Variants in GRID2IP observed in about 807,000 individuals in gnomAD.
The protein encoded by GRID2IP is Grid2 interacting protein.
In GRID2IP, 78 loss-of-function variants were observed where a neutral mutation model predicts 114.3. The observed-to-expected ratio is 0.68, with a 90% confidence interval of 0.57 to 0.82. The LOEUF (loss-of-function observed/expected upper bound fraction) is 0.82. Ranked by LOEUF, GRID2IP falls within the 40% of genes least tolerant of loss-of-function variation. GRID2IP has a pLI of 0.00. For missense variants in GRID2IP, 1,727 were observed against 1,678.5 expected, an observed-to-expected ratio of 1.03 and a Z score of -0.51; for synonymous variants, 809 against 724.0, an observed-to-expected ratio of 1.12 and a Z score of -1.89.
chr7:6,500,066 C>T (rs1403271355), intron 20 of GRID2IP, among the ~76,000 whole-genome samples: 1 of 151,990 alleles, frequency 6.6e-6, no homozygotes, highest in Non-Finnish European at 1.5e-5. Context: ...TCCATCTTCT[C>T]TCTGGGGACC....
intron 2 of GRID2IP, chr7:6,531,175 C>A: frequency 4.1e-6 from 2 of 481,930 alleles, no homozygotes; most frequent in Non-Finnish European, 7.3e-6. Flanking sequence ...GGAGCGAGCG[C>A]GCCGCGACTC....
chr7:6,551,045 C>CGGTGCACCGCGTCCG lies in GRID2IP; in HGVS notation c.377_391dup (p.Pro126_His130dup). 1.5e-6 allele frequency: 2 copies of CGGTGCACCGCGTCCG among 1,299,704 alleles called. No homozygotes were observed. Among genetic ancestry groups the CGGTGCACCGCGTCCG allele is most frequent in the Non-Finnish European group, 1.9e-6 (2 of 1,026,368 alleles). The allele number at this position is 1,299,704 out of a possible 1,614,324, so 80.5% of individuals were successfully genotyped here. On this transcript the variant is annotated inframe_insertion, in exon 1 of 22. Coordinates refer to ENST00000457091, the MANE Select transcript of GRID2IP (RefSeq NM_001145118.2). ...CTCTTGGGCCTTGCGCCTGCGCTCT[C>CGGTGCACCGCGTCCG]GGTGCACCGCGTCCGGGCGCTTGCG...
Position 6,501,859 on chromosome 7 carries a change from A to T in GRID2IP, c.3321T>A (p.His1107Gln), listed in dbSNP as rs1219417961. Residue 1107 changes from histidine to glutamine, a missense_variant, in exon 20 of 22, where the codon CAT becomes CAA. By Grantham distance (24) the His-to-Gln change is conservative. Transcript: ENST00000457091. Reference protein sequence around the residue: ...RALTSDLADLHGTISEIQDAC... With the variant: ...RALTSDLADLQGTISEIQDAC... ...CATCCTGTATCTCGCTGATAGTGCC[A>T]TGGAGGTCAGCCAGGTCACTGGTCA... The T allele has an allele frequency of 1.3e-6, 2 of 1,551,458 alleles. No individual in the cohort carries two copies.
In GRID2IP at chr7:6,510,721, T is replaced by C. The variant is rs1488778233; in HGVS notation, c.1556-15A>G. 34 of 1,545,412 alleles carry C rather than the reference T, an allele frequency of 2.2e-5. No individual in the cohort carries two copies. The highest frequency in any genetic ancestry group is 3.0e-5 in the Non-Finnish European group (34 of 1,142,892). ...CTCGCTGGGACCTACCGGGGAATAA[T>C]GTCATTACCGTATCTGAGCTCTACG... On this transcript the variant is annotated splice_polypyrimidine_tract_variant and intron_variant, in intron 9 of 21. Coordinates refer to ENST00000457091, the MANE Select transcript of GRID2IP (RefSeq NM_001145118.2).
chr7:6,509,714 G>A lies in GRID2IP; in HGVS notation c.1772-401C>T, dbSNP rs1786707155. Among the ~76,000 whole-genome samples, 1 of 152,222 alleles carries A rather than the reference G, an allele frequency of 6.6e-6. No homozygotes were observed. The highest frequency in any genetic ancestry group is 1.5e-5 in the Non-Finnish European group (1 of 68,026). On this transcript the variant is annotated intron_variant, in intron 11 of 21. Coordinates refer to ENST00000457091, the MANE Select transcript of GRID2IP (RefSeq NM_001145118.2). This position sits in a 1 kb window ranked among gnomAD's most constrained non-coding sequence, Gnocchi z 4.9. ...TCCCAGGGCTCCTGCCTTCTGAGCT[G>A]CAGAGCAACTGTCTTCCCAGCTGTG...
chr7:6,517,221 T>A (rs891065901), intron 7 of GRID2IP, among the ~76,000 whole-genome samples: 31 of 124,612 alleles, frequency 2.5e-4, no homozygotes, highest in African/African-American at 7.5e-4. Flanking sequence ...CGCCCGGCTA[T>A]TTTTTTTTTG....
chr7:6,514,689 C>T (rs570599466), intron 7 of GRID2IP, among the ~76,000 whole-genome samples, 160 bp from the exon 8 acceptor site: 47 of 152,236 alleles, frequency 3.1e-4, no homozygotes, highest in African/African-American at 1.1e-3. Context: ...CAGTGGCTCA[C>T]GCCTGTAATC....
In GRID2IP at chr7:6,539,883, G is replaced by T. The variant is rs1382441570; in HGVS notation, c.430-11C>A. The T allele has an allele frequency of 3.2e-6, 5 of 1,549,020 alleles. No homozygotes were observed. The highest frequency in any genetic ancestry group is 4.4e-6 in the Non-Finnish European group (5 of 1,145,498). On this transcript the variant is annotated splice_polypyrimidine_tract_variant and intron_variant, in intron 1 of 21. Transcript: ENST00000457091. ...CAAGATTTCATCCACCTGCAAGGAGGAGTCCTGTGAATGACCAAAAGGGAT... is the reference window on the plus strand; with the variant it reads ...CAAGATTTCATCCACCTGCAAGGAGTAGTCCTGTGAATGACCAAAAGGGAT...
At chr7:6,530,295 T>A (rs913986452) in intron 2 of GRID2IP, among the ~76,000 whole-genome samples, 23 of 139,896 alleles carry the variant, frequency 1.6e-4, no homozygotes, top group Non-Finnish European at 3.4e-4. Context: ...TGAGAGAGAC[T>A]CTCTGTCGCC....
rs1368186836 is a variant in GRID2IP at position 6,519,848 on chromosome 7, C to T, written c.1268+730G>A. ...TTTGCAGAGACCATAATAATGACCC[C>T]ATGGACCGAGGAGTGTGATAAATGC... On this transcript the variant is annotated intron_variant, in intron 7 of 21. Transcript: ENST00000457091. This position sits in a 1 kb window ranked among gnomAD's most constrained non-coding sequence, Gnocchi z 4.1. Among the ~76,000 whole-genome samples the T allele has an allele frequency of 6.6e-6, 1 of 152,206 alleles. No homozygotes were observed. Among genetic ancestry groups the T allele is most frequent in the Non-Finnish European group, 1.5e-5 (1 of 68,048 alleles).
At chr7:6,544,057 A>C (rs1297989324) in intron 1 of GRID2IP, among the ~76,000 whole-genome samples, 1 of 151,942 alleles carries the variant, frequency 6.6e-6, no homozygotes, top group African/African-American at 2.4e-5. Flanking sequence ...TCGGCCTCCC[A>C]AAGTGTTGGA....
chr7:6,524,722 G>GT (rs796457946), intron 4 of GRID2IP, among the ~76,000 whole-genome samples: 41 of 151,104 alleles, frequency 2.7e-4, no homozygotes, highest in African/African-American at 9.7e-4. Flanking sequence ...CTCATCTCTC[G>GT]TTTGTTTTTT....
chr7:6,518,693 G>A (rs148736834), intron 7 of GRID2IP, among the ~76,000 whole-genome samples: 4,722 of 151,916 alleles, frequency 0.031, 92 homozygotes, highest in Admixed American at 0.057. Flanking sequence ...CCGAGAGCAC[G>A]CCACTGTACT....
At chr7:6,515,638 C>T (rs1012124156) in intron 7 of GRID2IP, among the ~76,000 whole-genome samples, 4 of 151,446 alleles carry the variant, frequency 2.6e-5, no homozygotes, top group Admixed American at 6.6e-5. Context: ...ATGTGGTAGG[C>T]ATGTTGGTGT....
At chr7:6,549,968 A>C (rs1779948955) in intron 1 of GRID2IP, among the ~76,000 whole-genome samples, 1 of 151,820 alleles carries the variant, frequency 6.6e-6, no homozygotes, top group Non-Finnish European at 1.5e-5. Flanking sequence ...AGGGCCAAGA[A>C]GCGATATCTG....
At chr7:6,546,905 T>A (rs1296824826) in intron 1 of GRID2IP, among the ~76,000 whole-genome samples, 1 of 152,088 alleles carries the variant, frequency 6.6e-6, no homozygotes, top group Non-Finnish European at 1.5e-5. Context: ...CCATGGCAGG[T>A]GATCTGGGAT....
In GRID2IP at chr7:6,551,071, GC is replaced by G; in HGVS notation, c.365del (p.Gly122AlafsTer41). 7.6e-7 allele frequency: 1 copy of G among 1,312,990 alleles called. No homozygotes were observed. Among genetic ancestry groups the G allele is most frequent in the Non-Finnish European group, 9.7e-7 (1 of 1,034,604 alleles). 81.3% of individuals were successfully genotyped at this position (1,312,990 alleles called of 1,614,324 possible). ...ALGRELLRLAGRKRPDAVHRE... is the reference protein window; with the variant it reads ...ALGRELLRLAXRKRPDAVHRE... ...GGTGCACCGCGTCCGGGCGCTTGCG[GC>G]CGGCCAGGCGAAGCAGCTCACGGCC... On this transcript the variant is annotated frameshift_variant, in exon 1 of 22. Transcript: ENST00000457091. LOFTEE classifies it high-confidence loss of function.
rs1198794713 is a variant in GRID2IP at position 6,505,838 on chromosome 7, C to T, written c.2614G>A (p.Gly872Ser). 16 of 1,551,778 alleles carry T rather than the reference C, an allele frequency of 1.0e-5. No individual in the cohort carries two copies. The highest frequency in any genetic ancestry group is 2.4e-5 in the East Asian group (1 of 40,908). ...VKYLDLELHF[G>S]TQKPAKPVPG... is the part of the protein sequence containing the mutation. Reference sequence around the variant, plus strand: ...CACTCACTAGCAGGTTTCTGGGTGCCGAAGTGGAGCTCCAGGTCGAGGTAT... The same window carrying T: ...CACTCACTAGCAGGTTTCTGGGTGCTGAAGTGGAGCTCCAGGTCGAGGTAT... The change falls in exon 14 of 22, where the codon GGC (glycine) becomes AGC (serine). Residue 872 changes from glycine to serine, a missense_variant. Physicochemically the swap from Gly to Ser is moderately conservative, Grantham distance 56. Coordinates refer to ENST00000457091, the MANE Select transcript of GRID2IP (RefSeq NM_001145118.2).
chr7:6,551,416 C>T lies in GRID2IP; in HGVS notation c.21G>A (p.Pro7=), dbSNP rs1005304786. The change falls in exon 1 of 22, where the codon CCG becomes CCA. Residue 7 remains proline (P), a synonymous_variant. Coordinates refer to ENST00000457091, the MANE Select transcript of GRID2IP (RefSeq NM_001145118.2). ...CCTCTGGCCAGCCCTGGTTCGTGGC[C>T]GGCGTGGCAGTGGTGGCCATGCACC... MATTAT[P]ATNQGWPEDF... is the part of the protein sequence containing the mutation. 3.3e-5 allele frequency: 51 copies of T among 1,544,436 alleles called. No homozygotes were observed. The highest frequency in any genetic ancestry group is 1.6e-4 in the South Asian group (13 of 83,356).
Sources: gnomAD v4.1 joint callset for allele counts (sites outside exome capture counted in the v4.1 genomes callset) on GRCh38, gnomAD v4.1.1 for gene constraint, Gnocchi (gnomAD v3.1) non-coding constraint, MANE v1.5 for transcripts, NCBI Gene and HGNC (gene_info 2026-07-23, HGNC 2026-07-21) for gene names.